The following RHBDL3 variants were observed in gnomAD, a reference collection of about 807,000 sequenced individuals.
RHBDL3 encodes rhomboid like 3.
A neutral mutation model predicts 48.2 loss-of-function variants in RHBDL3; 28 were observed. That is an observed-to-expected ratio of 0.58 (90% CI 0.43 to 0.80). RHBDL3 has a LOEUF of 0.80. Among genes scored for constraint, RHBDL3 ranks in the 30% least tolerant of loss-of-function variants. The probability of loss-of-function intolerance (pLI) is 0.00; values close to 1 mark genes in which losing one functional copy is unlikely to be tolerated. For missense variants in RHBDL3, 464 were observed against 542.7 expected (o/e 0.85, Z 1.44); for synonymous variants, 208 against 232.3 (o/e 0.90, Z 0.95).
At chr17:32,298,644 T>G (rs1045294358) in intron 6 of RHBDL3, among the ~76,000 whole-genome samples, 2 of 152,112 alleles carry the variant, frequency 1.3e-5, no homozygotes, top group African/African-American at 4.8e-5. Context: ...CACAGTGAGA[T>G]CCCCACAGGG....
In RHBDL3 at chr17:32,266,184, T is replaced by G. The variant is rs2039623003; in HGVS notation, c.-6T>G. ...GCCGCCGCCGCCCCCGGACCCCGTC[T>G]CGGCCATGGGCGAGCACCCCAGCCC... On this transcript the variant is annotated 5_prime_UTR_variant, in exon 1 of 9. Coordinates refer to ENST00000269051, the MANE Select transcript of RHBDL3 (RefSeq NM_138328.3). 8.4e-7 allele frequency: 1 copy of G among 1,196,420 alleles called. No homozygotes were observed. Among genetic ancestry groups the G allele is most frequent in the Non-Finnish European group, 1.0e-6 (1 of 960,394 alleles). 74.1% of individuals were successfully genotyped at this position (1,196,420 alleles called of 1,614,324 possible).
At chr17:32,267,957 C>T (rs1345200788) in intron 2 of RHBDL3, 32 bp downstream of exon 2, 23 of 1,542,720 alleles carry the variant, frequency 1.5e-5, no homozygotes, top group Non-Finnish European at 1.9e-5. Context: ...CATTTCCTTC[C>T]AGCCCTCCCT....
At position 32,294,318 on chromosome 17, in the gene RHBDL3, G is replaced by T. The variant is rs2040403291; in HGVS notation, c.544G>T (p.Val182Leu). 2 of 1,613,874 alleles carry T rather than the reference G, an allele frequency of 1.2e-6. No individual in the cohort carries two copies. Among genetic ancestry groups the T allele is most frequent in the Non-Finnish European group, 1.7e-6 (2 of 1,179,942 alleles). Reference sequence around the variant, plus strand: ...GGTTGCCTTTTTCCTCTACAATGGGGTGTCACTAGGTCAATTTGTACTGCA... The same window carrying T: ...GGTTGCCTTTTTCCTCTACAATGGGTTGTCACTAGGTCAATTTGTACTGCA... Reference protein sequence around the residue: ...LEVAFFLYNGVSLGQFVLQVT... With the variant: ...LEVAFFLYNGLSLGQFVLQVT... Residue 182 changes from valine to leucine, a missense_variant, in exon 5 of 9, where the codon GTG becomes TTG. Transcript: ENST00000269051.
At chr17:32,319,333 A>T (rs1020077237) in intron 8 of RHBDL3, among the ~76,000 whole-genome samples, 45 of 149,660 alleles carry the variant, frequency 3.0e-4, no homozygotes, top group South Asian at 1.9e-3. Flanking sequence ...GAGGCAGGAG[A>T]ATGGCGTGAA....
chr17:32,297,652 CTTTTTTTTTTTTT>C lies in RHBDL3; in HGVS notation c.669-423_669-411del, dbSNP rs71362824. ...ATGTTAACTGATGGAGTTGCTGGAT[CTTTTTTTTTTTTT>C]TTTTTTTTTTTTTTTTCAGAGATGG... On this transcript the variant is annotated intron_variant, in intron 5 of 8. Coordinates refer to ENST00000269051, the MANE Select transcript of RHBDL3 (RefSeq NM_138328.3). Among the ~76,000 whole-genome samples the C allele has an allele frequency of 1.8e-4, 9 of 50,984 alleles. No homozygotes were observed. In the East Asian group the frequency reaches 2.5e-3, roughly 14 times the overall value. The allele number at this position is 50,984 out of a possible 152,430, so 33.4% of individuals were successfully genotyped here. A position where few individuals can be genotyped will look rare whatever the true frequency, so the allele number is the denominator to read the frequency against.
intron 6 of RHBDL3, among the ~76,000 whole-genome samples, chr17:32,304,211 T>C (rs1051542860): frequency 1.4e-4 from 21 of 152,184 alleles, no homozygotes; most frequent in African/African-American, 4.8e-4. Flanking sequence ...TCTCTCTCTC[T>C]TCCCCATGAC....
chr17:32,267,133 G>A (rs574843531), intron 1 of RHBDL3, among the ~76,000 whole-genome samples: 25 of 152,324 alleles, frequency 1.6e-4, no homozygotes, highest in Admixed American at 7.2e-4. Flanking sequence ...GGAGATGGAA[G>A]TGAAACCAGG....
chr17:32,269,303 G>A (rs957435035), intron 2 of RHBDL3, among the ~76,000 whole-genome samples: 3 of 152,184 alleles, frequency 2.0e-5, no homozygotes, highest in African/African-American at 2.4e-5. Context: ...AGCCACGATC[G>A]TGCTACTGCA....
Position 32,284,762 on chromosome 17 carries a change from C to A in RHBDL3, c.239C>A (p.Ala80Asp), listed in dbSNP as rs201947692. 2 of 1,614,062 alleles carry A rather than the reference C, an allele frequency of 1.2e-6. No individual in the cohort carries two copies. Among genetic ancestry groups the A allele is most frequent in the African/African-American group, 2.7e-5 (2 of 75,064 alleles). ...LDPHKREVLL[A>D]LADSHADGQI... ...CCGCACAAAAGGGAGGTCCTCCTGG[C>A]TCTTGCCGACAGCCACGCGGATGGG... Residue 80 changes from alanine (A) to aspartate (D), a missense_variant, in exon 3 of 9, where the codon GCT becomes GAT. Ala to Asp is a moderately radical substitution (Grantham distance 126). Transcript: ENST00000269051.
intron 2 of RHBDL3, 85 bp from the exon 3 acceptor site, chr17:32,284,574 A>C (rs1013956355): frequency 2.9e-5 from 39 of 1,337,108 alleles, no homozygotes; most frequent in Non-Finnish European, 3.9e-5. Context: ...AAGCCAGTGA[A>C]TAGTGGTGGA....
intron 8 of RHBDL3, among the ~76,000 whole-genome samples, chr17:32,316,786 G>T (rs1359216664): frequency 6.6e-6 from 1 of 151,656 alleles, no homozygotes; most frequent in African/African-American, 2.4e-5. Context: ...TCAAGTTGCT[G>T]GGATTACAGG....
In RHBDL3 at chr17:32,321,016, G is replaced by A. The variant is rs761972718; in HGVS notation, c.1002G>A (p.Pro334=). 2.0e-5 allele frequency: 33 copies of A among 1,614,118 alleles called. 1 individual carries two copies. In the East Asian group the frequency reaches 3.6e-4, roughly 17 times the overall value. Residue 334 remains proline, a synonymous_variant, in exon 9 of 9, where the codon CCG becomes CCA. Transcript: ENST00000269051. ...GCTTCCACCCGTCGGCCTATCCCCC[G>A]TGCCCTCACCCAAGCTTTGTGGCGC... The part of the protein sequence containing the change: ...WLRFHPSAYP[P]CPHPSFVAHL...
At chr17:32,286,187 C>T (rs1328390556) in intron 3 of RHBDL3, among the ~76,000 whole-genome samples, 1 of 152,206 alleles carries the variant, frequency 6.6e-6, no homozygotes, top group Non-Finnish European at 1.5e-5. Context: ...CAGCCACAGC[C>T]CCAGCACCTG....
chr17:32,282,354 C>T (rs1039305870), intron 2 of RHBDL3, among the ~76,000 whole-genome samples: 5 of 152,248 alleles, frequency 3.3e-5, no homozygotes, highest in Admixed American at 3.3e-4. Context: ...ATCACTTAAG[C>T]CCAGGAGTTC....
At chr17:32,270,444 C>T (rs958335735) in intron 2 of RHBDL3, among the ~76,000 whole-genome samples, 10 of 152,010 alleles carry the variant, frequency 6.6e-5, no homozygotes, top group Admixed American at 3.9e-4. Context: ...TAGCCTTGAT[C>T]TAGCATGACG....
intron 6 of RHBDL3, among the ~76,000 whole-genome samples, chr17:32,298,922 C>T (rs1356421487): frequency 6.6e-6 from 1 of 152,232 alleles, no homozygotes; most frequent in Non-Finnish European, 1.5e-5. Flanking sequence ...TGCCCCCTCC[C>T]CAGTGGGAGG....
chr17:32,290,187 C>T (rs1371746884), intron 4 of RHBDL3, among the ~76,000 whole-genome samples: 5 of 152,166 alleles, frequency 3.3e-5, no homozygotes, highest in Admixed American at 3.3e-4. Flanking sequence ...TAAGCCATTC[C>T]CAGGCTGAGC....
intron 3 of RHBDL3, among the ~76,000 whole-genome samples, chr17:32,288,006 C>T: frequency 6.6e-6 from 1 of 152,198 alleles, no homozygotes; most frequent in Middle Eastern, 3.2e-3. Context: ...GAGCTGGTCC[C>T]CAGGTGGAGC....
At position 32,317,519 on chromosome 17, in the gene RHBDL3, G is replaced by C. The variant is rs572867631; in HGVS notation, c.943+1227G>C. On this transcript the variant is annotated intron_variant, in intron 8 of 8. Transcript: ENST00000269051. ...TTAGAGGCAAGCAGGTGTCCACCAA[G>C]TAAACATGGTGTAAGAGGACATTTC... Among the ~76,000 whole-genome samples, 16 of 152,274 alleles carry C rather than the reference G, an allele frequency of 1.1e-4. No individual in the cohort carries two copies. In the East Asian group the frequency reaches 3.1e-3, roughly 29 times the overall value.
Sources: gnomAD v4.1 joint callset for allele counts (sites outside exome capture counted in the v4.1 genomes callset) on GRCh38, gnomAD v4.1.1 for gene constraint, MANE v1.5 for transcripts, NCBI Gene and HGNC (gene_info 2026-07-23, HGNC 2026-07-21) for gene names.